The following STAG1 variants were observed in gnomAD, a reference collection of about 807,000 sequenced individuals.
STAG1 encodes cohesin subunit SA-1.
In STAG1, 26 loss-of-function variants were observed where a neutral mutation model predicts 170.9. That is an observed-to-expected ratio of 0.15 (90% CI 0.11 to 0.21). The LOEUF (loss-of-function observed/expected upper bound fraction) is 0.21. Ranked by LOEUF, STAG1 falls within the 10% of genes least tolerant of loss-of-function variation. STAG1 has a pLI of 1.00. For missense variants in STAG1, 964 were observed against 1,509.5 expected, an observed-to-expected ratio of 0.64 and a Z score of 5.99; for synonymous variants, 514 against 497.7, an observed-to-expected ratio of 1.03 and a Z score of -0.44.
At chr3:136,734,377 G>C (rs1413266542) in intron 1 of STAG1, among the ~76,000 whole-genome samples, 1 of 152,176 alleles carries the variant, frequency 6.6e-6, no homozygotes, top group Admixed American at 6.5e-5. Context: ...TGAGGAGGCA[G>C]ACAGTAGTGT....
intron 21 of STAG1, among the ~76,000 whole-genome samples, chr3:136,410,068 T>TAAAAAAAA (rs766763989): frequency 1.1e-5 from 1 of 93,062 alleles, no homozygotes. Context: ...AGTCCTTGTC[T>TAAAAAAAA]AAAAAAAAAA....
chr3:136,626,343 T>C (rs1940090938), intron 2 of STAG1, among the ~76,000 whole-genome samples: 1 of 151,442 alleles, frequency 6.6e-6, no homozygotes, highest in Admixed American at 6.6e-5. Flanking sequence ...GGAGAATTGC[T>C]TGAACCCACG....
chr3:136,611,003 G>A (rs1484347526), intron 3 of STAG1, among the ~76,000 whole-genome samples: 1 of 152,080 alleles, frequency 6.6e-6, no homozygotes, highest in Non-Finnish European at 1.5e-5. Context: ...CTTGGAACAA[G>A]AAGTGTGTCA....
At chr3:136,551,208 T>TGAGAGAGAGAGAGAGAGAGA (rs57609965) in intron 5 of STAG1, among the ~76,000 whole-genome samples, 4 of 44,478 alleles carry the variant, frequency 9.0e-5, no homozygotes, top group South Asian at 8.8e-4. Flanking sequence ...TGAGAGAGAG[T>TGAGAGAGAGAGAGAGAGAGA]GAGAGAGAGA....
intron 9 of STAG1, among the ~76,000 whole-genome samples, chr3:136,491,057 G>GT (rs2090116040): frequency 6.6e-6 from 1 of 152,008 alleles, no homozygotes; most frequent in Admixed American, 6.6e-5. Flanking sequence ...TGAAGTTTCT[G>GT]TTTAACTAAT....
chr3:136,682,415 ACT>A (rs1650094127), intron 1 of STAG1, among the ~76,000 whole-genome samples: 1 of 150,340 alleles, frequency 6.7e-6, no homozygotes, highest in African/African-American at 2.4e-5. Context: ...ACAGAGTGGG[ACT>A]CTGTTTCACA....
intron 24 of STAG1, among the ~76,000 whole-genome samples, chr3:136,367,522 A>C (rs1937120245): frequency 6.6e-6 from 1 of 152,098 alleles, no homozygotes; most frequent in Non-Finnish European, 1.5e-5. Flanking sequence ...GTTTTCTGAT[A>C]CTTGTGTCAT....
At chr3:136,600,697 A>G (rs924110551) in intron 4 of STAG1, among the ~76,000 whole-genome samples, 1 of 151,764 alleles carries the variant, frequency 6.6e-6, no homozygotes, top group East Asian at 1.9e-4. Context: ...ATGCCCAGCT[A>G]ATTTTTTTTT....
chr3:136,510,435 G>A (rs763662010), intron 7 of STAG1, among the ~76,000 whole-genome samples: 2 of 151,528 alleles, frequency 1.3e-5, no homozygotes, highest in African/African-American at 2.4e-5. Flanking sequence ...AATTGCAGGC[G>A]CCCACCACCA....
At chr3:136,506,621 G>A (rs1246199317) in intron 7 of STAG1, among the ~76,000 whole-genome samples, 1 of 145,708 alleles carries the variant, frequency 6.9e-6, no homozygotes, top group Non-Finnish European at 1.5e-5. Context: ...ACTCCAGCCT[G>A]TGAGACACAG....
chr3:136,709,348 TA>T (rs921260726), intron 1 of STAG1, among the ~76,000 whole-genome samples: 1 of 151,948 alleles, frequency 6.6e-6, no homozygotes, highest in African/African-American at 2.4e-5. Flanking sequence ...AATTTATAAC[TA>T]ACTTAAATGA....
chr3:136,632,698 A>C (rs1486071499), intron 1 of STAG1, among the ~76,000 whole-genome samples: 1 of 152,126 alleles, frequency 6.6e-6, no homozygotes, highest in Non-Finnish European at 1.5e-5. Context: ...GGGGAATTCA[A>C]GGTGCTACAC....
chr3:136,621,725 A>T (rs1432658394), intron 3 of STAG1, among the ~76,000 whole-genome samples: 1 of 152,082 alleles, frequency 6.6e-6, no homozygotes, highest in Non-Finnish European at 1.5e-5. Flanking sequence ...ATTAATTAAA[A>T]ATTCTGGCAA....
intron 4 of STAG1, among the ~76,000 whole-genome samples, chr3:136,599,473 GT>G (rs1241021206): frequency 6.6e-6 from 1 of 152,192 alleles, no homozygotes; most frequent in Non-Finnish European, 1.5e-5. Flanking sequence ...GGAGCCTGCA[GT>G]GAGCCGAGAT....
chr3:136,451,540 G>T (rs1204780870), intron 14 of STAG1, among the ~76,000 whole-genome samples: 2 of 152,164 alleles, frequency 1.3e-5, no homozygotes, highest in African/African-American at 4.8e-5. Context: ...AAGGTGGGCA[G>T]ATGACCTAAG....
chr3:136,671,872 C>T (rs1355793101), intron 1 of STAG1, among the ~76,000 whole-genome samples: 2 of 151,808 alleles, frequency 1.3e-5, no homozygotes, highest in South Asian at 2.1e-4. Flanking sequence ...GAGACCATTA[C>T]CTTGAAGAAA....
chr3:136,689,272 C>T (rs535330039), intron 1 of STAG1, among the ~76,000 whole-genome samples: 58 of 152,152 alleles, frequency 3.8e-4, no homozygotes, highest in Non-Finnish European at 6.2e-4. Context: ...ATTCAATTGC[C>T]AAACCTAGAA....
At chr3:136,619,302 T>TA (rs1939738173) in intron 3 of STAG1, among the ~76,000 whole-genome samples, 1 of 148,422 alleles carries the variant, frequency 6.7e-6, no homozygotes, top group Admixed American at 6.8e-5. Context: ...CAGACACTAG[T>TA]AAATAGCAGA....
intron 8 of STAG1, 141 bp downstream of exon 8, chr3:136,502,487 G>A: frequency 2.3e-6 from 2 of 865,772 alleles, no homozygotes; most frequent in Non-Finnish European, 3.4e-6. Context: ...GAACACTCCA[G>A]CTTCATTTGG....
Sources: gnomAD v4.1 joint callset for allele counts (sites outside exome capture counted in the v4.1 genomes callset) on GRCh38, gnomAD v4.1.1 for gene constraint, MANE v1.5 for transcripts, NCBI Gene and HGNC (gene_info 2026-07-23, HGNC 2026-07-21) for gene names.